PHACTR1: variants seen among roughly 807,000 people sequenced by gnomAD.
PHACTR1 encodes the protein phosphatase and actin regulator 1.
In PHACTR1, 16 loss-of-function variants were observed where a neutral mutation model predicts 69.2. The ratio of observed to expected loss-of-function variants is 0.23; its 90% CI spans 0.16 to 0.35. The LOEUF is 0.35. PHACTR1 is among the 10% of genes least tolerant of loss of function. PHACTR1 has a pLI of 1.00. For synonymous variants in PHACTR1, 312 were observed against 284.5 expected, an observed-to-expected ratio of 1.10 and a Z score of -0.97; for missense variants, 510 against 734.7, an observed-to-expected ratio of 0.69 and a Z score of 3.54.
At chr6:13,066,292 C>T (rs943777648) in intron 5 of PHACTR1, among the ~76,000 whole-genome samples, 3 of 152,106 alleles carry the variant, frequency 2.0e-5, no homozygotes, top group Non-Finnish European at 2.9e-5. Context: ...GAATAGGTAC[C>T]GGATAAGTAC....
At chr6:13,083,976 T>G (rs193008057) in intron 5 of PHACTR1, among the ~76,000 whole-genome samples, 195 of 152,076 alleles carry the variant, frequency 1.3e-3, no homozygotes, top group Middle Eastern at 3.4e-3. Flanking sequence ...GAACTAGAAA[T>G]ACCATGTGAC....
chr6:13,179,977 G>C lies in PHACTR1; in HGVS notation c.497-2542G>C, dbSNP rs1274994635. Among the ~76,000 whole-genome samples, 1 of 152,194 alleles carries C rather than the reference G, an allele frequency of 6.6e-6. No individual in the cohort carries two copies. The highest frequency in any genetic ancestry group is 2.4e-5 in the African/African-American group (1 of 41,456). ...CTAATTGCAGAAAAATTGTATGCAA[G>C]ACGATGGTCCTCACTGCATTTTTTT... is the stretch of plus-strand genomic sequence containing the variant. On this transcript the variant is annotated intron_variant, in intron 6 of 14. Coordinates refer to ENST00000332995, the MANE Select transcript of PHACTR1 (RefSeq NM_030948.6). The surrounding 1 kb of genome is among the most constrained non-coding windows in gnomAD (Gnocchi z 4.2).
chr6:13,051,091 T>C (rs1187546984), intron 4 of PHACTR1, among the ~76,000 whole-genome samples: 1 of 152,166 alleles, frequency 6.6e-6, no homozygotes. Flanking sequence ...TGCATCCTGA[T>C]CACGTACCTT....
At chr6:13,233,149 A>C (rs977373051) in intron 10 of PHACTR1, among the ~76,000 whole-genome samples, 1 of 152,328 alleles carries the variant, frequency 6.6e-6, no homozygotes, top group East Asian at 1.9e-4. Flanking sequence ...ACTCCTAAAA[A>C]GGGAGACAAT....
At chr6:13,090,334 C>T (rs1813050960) in intron 5 of PHACTR1, among the ~76,000 whole-genome samples, 2 of 151,808 alleles carry the variant, frequency 1.3e-5, no homozygotes, top group Non-Finnish European at 2.9e-5. Context: ...GCATGAGCCA[C>T]CCCACCCCAT....
In PHACTR1 at chr6:12,945,355, C is replaced by T. The variant is rs558770292; in HGVS notation, c.251-108010C>T. On this transcript the variant is annotated intron_variant, in intron 4 of 14. Coordinates refer to ENST00000332995, the MANE Select transcript of PHACTR1 (RefSeq NM_030948.6). ...TGTGGTTATTGCATGTTTACTTATC[C>T]ACTGTTCAGTCAAAACTGTAAGTTT... 6.4e-4 allele frequency among the ~76,000 whole-genome samples: 98 copies of T among 152,280 alleles called. 2 individuals are homozygous for T. Among genetic ancestry groups the T allele is most frequent in the Admixed American group, 5.9e-3 (91 of 15,300 alleles).
At chr6:13,282,215 C>T (rs1203334452) in intron 12 of PHACTR1, among the ~76,000 whole-genome samples, 1 of 152,156 alleles carries the variant, frequency 6.6e-6, no homozygotes, top group African/African-American at 2.4e-5. Context: ...TAGAATTACA[C>T]AGAGTCTAGG....
intron 10 of PHACTR1, among the ~76,000 whole-genome samples, chr6:13,241,720 T>C (rs1377866767): frequency 6.6e-6 from 1 of 152,070 alleles, no homozygotes; most frequent in African/African-American, 2.4e-5. Context: ...CATGCTCGAC[T>C]CTTATTAGAA....
chr6:12,795,555 T>C (rs947253427), intron 4 of PHACTR1, among the ~76,000 whole-genome samples: 30 of 152,306 alleles, frequency 2.0e-4, no homozygotes, highest in African/African-American at 6.7e-4. Flanking sequence ...GAAGGTTGGA[T>C]GTATGATTAA....
chr6:13,081,620 G>A (rs1811385875), intron 5 of PHACTR1, among the ~76,000 whole-genome samples: 1 of 152,032 alleles, frequency 6.6e-6, no homozygotes. Context: ...CTAGAAGTTC[G>A]AGACTAGCCT....
intron 4 of PHACTR1, among the ~76,000 whole-genome samples, chr6:12,833,516 C>T (rs1224400394): frequency 1.3e-5 from 2 of 152,114 alleles, no homozygotes; most frequent in African/African-American, 4.8e-5. Context: ...GCCTCAGCCT[C>T]CCAAAGTGCT....
At chr6:13,182,954 A>G (rs1362543317) in intron 7 of PHACTR1, among the ~76,000 whole-genome samples, 2 of 152,140 alleles carry the variant, frequency 1.3e-5, no homozygotes, top group East Asian at 3.8e-4. Context: ...TGTAACATTA[A>G]TGATTTAAAA....
At chr6:12,893,927 G>A (rs1326703145) in intron 4 of PHACTR1, among the ~76,000 whole-genome samples, 1 of 152,196 alleles carries the variant, frequency 6.6e-6, no homozygotes. Context: ...CTGCTGAGCA[G>A]GGGCAAAGGA....
At chr6:12,817,587 C>T (rs185958714) in intron 4 of PHACTR1, among the ~76,000 whole-genome samples, 143 of 152,254 alleles carry the variant, frequency 9.4e-4, no homozygotes, top group Admixed American at 3.1e-3. Context: ...ACACTGAGCA[C>T]AGTAGCTGGG....
chr6:13,047,811 A>T (rs1195061842), intron 4 of PHACTR1, among the ~76,000 whole-genome samples: 1 of 151,926 alleles, frequency 6.6e-6, no homozygotes, highest in Non-Finnish European at 1.5e-5. Context: ...AGCCAAGGTG[A>T]TGCCATCTTT....
intron 4 of PHACTR1, among the ~76,000 whole-genome samples, chr6:12,768,292 T>C (rs919087855): frequency 6.6e-6 from 1 of 152,054 alleles, no homozygotes; most frequent in African/African-American, 2.4e-5. Flanking sequence ...TTTTTTGTAT[T>C]TTTAGTAGAG....
intron 4 of PHACTR1, among the ~76,000 whole-genome samples, chr6:12,783,185 C>T (rs1365652229): frequency 6.6e-6 from 1 of 152,164 alleles, no homozygotes; most frequent in African/African-American, 2.4e-5. Flanking sequence ...CACAAGTCAT[C>T]ATGTTATATT....
At chr6:12,931,294 A>G (rs1788844181) in intron 4 of PHACTR1, among the ~76,000 whole-genome samples, 1 of 152,318 alleles carries the variant, frequency 6.6e-6, no homozygotes, top group South Asian at 2.1e-4. Flanking sequence ...AAGATAACCC[A>G]AAAGTTACAT....
chr6:12,997,176 A>T (rs906596778), intron 4 of PHACTR1, among the ~76,000 whole-genome samples: 1 of 150,812 alleles, frequency 6.6e-6, no homozygotes, highest in Non-Finnish European at 1.5e-5. Flanking sequence ...TCAAAAAAAG[A>T]AAAATTATAA....
Sources: allele counts gnomAD v4.1 joint callset (sites outside exome capture counted in the v4.1 genomes callset), GRCh38; gene constraint gnomAD v4.1.1; non-coding constraint Gnocchi (gnomAD v3.1); transcripts MANE v1.5; gene names NCBI Gene and HGNC (gene_info 2026-07-23, HGNC 2026-07-21).